The following LRP1B variants were observed in gnomAD, a reference collection of about 807,000 sequenced individuals.
LRP1B encodes LDL receptor related protein 1B.
In LRP1B, 217 loss-of-function variants were observed where a neutral mutation model predicts 556.6. The ratio of observed to expected loss-of-function variants is 0.39; its 90% CI spans 0.35 to 0.44. The LOEUF is 0.44. LRP1B is among the 20% of genes least tolerant of loss of function. LRP1B has a pLI of 1.00. For synonymous variants in LRP1B, 2,047 were observed against 1,865.8 expected (o/e 1.10, Z -2.50); for missense variants, 5,053 against 5,620.8 (o/e 0.90, Z 3.23).
intron 3 of LRP1B, among the ~76,000 whole-genome samples, chr2:141,432,545 T>C (rs75364421): frequency 0.054 from 8,162 of 152,140 alleles, 295 homozygotes; most frequent in South Asian, 0.13. Context: ...AGAATTAACC[T>C]TGAAGCTATC....
chr2:141,722,741 G>A (rs917593677), intron 2 of LRP1B, among the ~76,000 whole-genome samples: 46 of 147,802 alleles, frequency 3.1e-4, no homozygotes, highest in African/African-American at 1.1e-3. Context: ...TAGATAGATA[G>A]ATAGATAGAT....
At chr2:141,361,678 T>C (rs1278335364) in intron 3 of LRP1B, among the ~76,000 whole-genome samples, 1 of 152,068 alleles carries the variant, frequency 6.6e-6, no homozygotes, top group Non-Finnish European at 1.5e-5. Flanking sequence ...AGGTGGGGAG[T>C]CTTTCCTCTT....
intron 1 of LRP1B, among the ~76,000 whole-genome samples, chr2:141,962,689 G>A (rs1267511514): frequency 6.6e-6 from 1 of 151,706 alleles, no homozygotes; most frequent in East Asian, 2.0e-4. Context: ...CACTAAAAAG[G>A]CCACATAAAG....
chr2:140,769,124 A>T (rs2104933872), intron 35 of LRP1B, 89 bp downstream of exon 35: 1 of 1,230,760 alleles, frequency 8.1e-7, no homozygotes, highest in Non-Finnish European at 1.2e-6. Context: ...CTTGACTATT[A>T]AAGCACAGAG....
chr2:141,959,867 G>T (rs1409625406), intron 1 of LRP1B, among the ~76,000 whole-genome samples: 1 of 151,892 alleles, frequency 6.6e-6, no homozygotes, highest in Admixed American at 6.6e-5. Context: ...CTGATGAGCA[G>T]AACTCTGGAA....
At chr2:142,098,059 C>T (rs1488941948) in intron 1 of LRP1B, among the ~76,000 whole-genome samples, 1 of 151,668 alleles carries the variant, frequency 6.6e-6, no homozygotes, top group Non-Finnish European at 1.5e-5. Flanking sequence ...TAGAGAAAAT[C>T]CAGCTGTCTT....
At chr2:140,476,913 C>T (rs1687998653) in intron 59 of LRP1B, among the ~76,000 whole-genome samples, 3 of 152,000 alleles carry the variant, frequency 2.0e-5, no homozygotes, top group Admixed American at 2.0e-4. Flanking sequence ...TTTAAACATA[C>T]TTTGAAAATC....
intron 1 of LRP1B, among the ~76,000 whole-genome samples, chr2:142,064,967 T>C (rs1705053638): frequency 7.1e-6 from 1 of 141,430 alleles, no homozygotes; most frequent in African/African-American, 2.5e-5. Flanking sequence ...TTGGGCTTTG[T>C]CTTAATATAG....
intron 2 of LRP1B, among the ~76,000 whole-genome samples, chr2:141,741,847 T>C (rs1476006739): frequency 6.6e-6 from 1 of 152,168 alleles, no homozygotes; most frequent in East Asian, 1.9e-4. Context: ...TTGTGGGATA[T>C]TGCGCAAGAA....
intron 66 of LRP1B, among the ~76,000 whole-genome samples, chr2:140,437,773 A>G (rs1404291225): frequency 6.6e-6 from 1 of 152,224 alleles, no homozygotes; most frequent in East Asian, 1.9e-4. Flanking sequence ...AGTAAAAAAT[A>G]ATAAATGTGA....
chr2:142,080,919 TA>T (rs34848665), intron 1 of LRP1B, among the ~76,000 whole-genome samples: 22,891 of 152,162 alleles, frequency 0.15, 1,864 homozygotes, highest in Non-Finnish European at 0.19. Context: ...TAGAGTTCTG[TA>T]GAAATAGTTC....
intron 55 of LRP1B, among the ~76,000 whole-genome samples, chr2:140,499,488 T>C (rs1689090688): frequency 6.6e-6 from 1 of 151,718 alleles, no homozygotes. Context: ...ATGACAGGGA[T>C]ATGTTCTGAG....
At chr2:142,053,293 TCATTTTGTTTGGCTCAG>T (rs1369071778) in intron 1 of LRP1B, among the ~76,000 whole-genome samples, 2 of 152,132 alleles carry the variant, frequency 1.3e-5, no homozygotes, top group Non-Finnish European at 2.9e-5. Flanking sequence ...AAAAATGTGT[TCATTTTGTTTGGCTCAG>T]CATTCCAGAG....
intron 20 of LRP1B, among the ~76,000 whole-genome samples, chr2:140,928,399 T>C (rs1408804098): frequency 6.6e-6 from 1 of 152,116 alleles, no homozygotes; most frequent in Non-Finnish European, 1.5e-5. Flanking sequence ...ACATATCTAT[T>C]GTGGATCAGT....
chr2:140,245,837 C>T (rs1681136640), intron 87 of LRP1B, among the ~76,000 whole-genome samples: 1 of 151,338 alleles, frequency 6.6e-6, no homozygotes, highest in South Asian at 2.1e-4. Flanking sequence ...CAATTATATG[C>T]TCATAGCTTC....
rs1411036234 is a variant in LRP1B, at chr2:140,769,302, C to T, written c.5669G>A (p.Arg1890Lys). 2 of 1,611,756 alleles carry T rather than the reference C, an allele frequency of 1.2e-6. No individual in the cohort carries two copies. Among genetic ancestry groups the T allele is most frequent in the Non-Finnish European group, 1.7e-6 (2 of 1,178,490 alleles). The change falls in exon 35 of 91, where the codon AGG becomes AAG. Residue 1890 changes from arginine (R) to lysine (K), a missense_variant. By Grantham distance (26) the Arg-to-Lys change is conservative. Around this residue, in one of 5 missense-constraint regions of LRP1B, gnomAD observed 3,619 missense variants for 3,931.9 expected, o/e 0.92. Coordinates refer to ENST00000389484, the MANE Select transcript of LRP1B (RefSeq NM_018557.3). ...FLMYSVHEGIRGIPLEPSDKM... is the reference protein window; with the variant it reads ...FLMYSVHEGIKGIPLEPSDKM... ...GTCACTTGGTTCAAGAGGTATTCCC[C>T]TGATTCCTTCATGAACAGAGTACAT...
At chr2:140,956,698 T>C (rs988805593) in intron 18 of LRP1B, among the ~76,000 whole-genome samples, 30 of 151,874 alleles carry the variant, frequency 2.0e-4, no homozygotes, top group African/African-American at 7.2e-4. Flanking sequence ...TTTGCCACTC[T>C]TTCCTTGCTG....
intron 43 of LRP1B, among the ~76,000 whole-genome samples, chr2:140,560,387 G>A (rs1048739087): frequency 1.3e-5 from 2 of 152,076 alleles, no homozygotes; most frequent in African/African-American, 4.8e-5. Flanking sequence ...ATGTATCAAT[G>A]TCAGTTTTCA....
At chr2:141,873,117 A>G (rs572838482) in intron 1 of LRP1B, among the ~76,000 whole-genome samples, 1 of 152,172 alleles carries the variant, frequency 6.6e-6, no homozygotes, top group East Asian at 1.9e-4. Context: ...TGGCACATAA[A>G]TATGCTATTA....
Sources: allele counts gnomAD v4.1 joint callset (sites outside exome capture counted in the v4.1 genomes callset), GRCh38; gene constraint gnomAD v4.1.1; regional missense constraint gnomAD v4.1.1; transcripts MANE v1.5; gene names NCBI Gene and HGNC (gene_info 2026-07-23, HGNC 2026-07-21).